Variants in LRRC53 observed in about 807,000 individuals in gnomAD.
LRRC53 encodes the protein leucine rich repeat containing 53.
Under a neutral mutation model 13.6 loss-of-function variants are expected in LRRC53, and 25 were observed. The observed-to-expected ratio is 1.83, with a 90% confidence interval of 1.34 to 2.56. The LOEUF (loss-of-function observed/expected upper bound fraction) is 2.56, where lower values mean the gene tolerates loss of function less well. LRRC53 is among the 30% of genes most tolerant of loss of function. The pLI, the probability that LRRC53 is intolerant of heterozygous loss-of-function variation, is 0.00. For synonymous variants in LRRC53, 204 were observed against 109.8 expected (o/e 1.86, Z -5.37); for missense variants, 527 against 275.8 (o/e 1.91, Z -6.45).
chr1:74,522,387 G>A, the LRRC53 span, among the ~76,000 whole-genome samples: 56 of 152,050 alleles, frequency 3.7e-4, no homozygotes, highest in Non-Finnish European at 5.4e-4. Flanking sequence ...CAGATTACCC[G>A]TTCCCTAGAC....
At chr1:74,486,471 A>C (rs925920039) in intron 1 of LRRC53, among the ~76,000 whole-genome samples, 5 of 149,930 alleles carry the variant, frequency 3.3e-5, no homozygotes, top group Non-Finnish European at 7.4e-5. Context: ...GTAGTCAAAC[A>C]TCATCACTTT....
chr1:74,534,054 C>A, the LRRC53 span, among the ~76,000 whole-genome samples: 1 of 152,136 alleles, frequency 6.6e-6, no homozygotes, highest in Non-Finnish European at 1.5e-5. Context: ...TTCCCAGACA[C>A]CCCACAGGGG....
intron 2 of LRRC53, among the ~76,000 whole-genome samples, chr1:74,481,804 G>A (rs1354711900): frequency 1.3e-5 from 2 of 152,128 alleles, no homozygotes; most frequent in Non-Finnish European, 2.9e-5. Flanking sequence ...TGCTAACATT[G>A]TTTTGACTGC....
chr1:74,505,890 T>C (rs965941483), intron 1 of LRRC53, among the ~76,000 whole-genome samples: 13 of 152,346 alleles, frequency 8.5e-5, no homozygotes, highest in African/African-American at 3.1e-4. Context: ...TGCAGATGTT[T>C]TAAAGGCCTC....
intron 2 of LRRC53, among the ~76,000 whole-genome samples, chr1:74,482,393 A>G (rs1170254999): frequency 6.6e-6 from 1 of 152,254 alleles, no homozygotes; most frequent in East Asian, 1.9e-4. Flanking sequence ...GTCTCTGATC[A>G]GGAAAAATAA....
chr1:74,497,211 G>A (rs1159906714), intron 1 of LRRC53, among the ~76,000 whole-genome samples: 1 of 152,046 alleles, frequency 6.6e-6, no homozygotes, highest in Non-Finnish European at 1.5e-5. Context: ...ATGTTCCTAG[G>A]AAGAATGAAG....
At position 74,473,913 on chromosome 1, in the gene LRRC53, C is replaced by A. The variant is rs192595591; in HGVS notation, c.1420+1382G>T. ...TCTCTACACTGGAAAGTCTATAATT[C>A]TTTTTCCAAGTCAGAAGGCATAATC... On this transcript the variant is annotated intron_variant, in intron 4 of 4. Transcript: ENST00000294635. 1.1e-4 allele frequency among the ~76,000 whole-genome samples: 16 copies of A among 152,150 alleles called. No homozygotes were observed. In the East Asian group the frequency reaches 2.9e-3, roughly 28 times the overall value.
At chr1:74,499,625 C>G (rs560332153) in intron 1 of LRRC53, among the ~76,000 whole-genome samples, 1 of 151,826 alleles carries the variant, frequency 6.6e-6, no homozygotes, top group Non-Finnish European at 1.5e-5. Flanking sequence ...GGAATATATC[C>G]CTGGTAGATA....
At chr1:74,476,637 T>A (rs1053941031) in intron 3 of LRRC53, among the ~76,000 whole-genome samples, 1 of 152,118 alleles carries the variant, frequency 6.6e-6, no homozygotes, top group Non-Finnish European at 1.5e-5. Flanking sequence ...TCATTGGTGA[T>A]CTAATCTTAT....
chr1:74,520,315 G>C, the LRRC53 span, among the ~76,000 whole-genome samples: 9 of 152,256 alleles, frequency 5.9e-5, no homozygotes, highest in Non-Finnish European at 1.5e-5. Flanking sequence ...TACACGTACA[G>C]AATTGAAGTG....
chr1:74,525,509 T>C, the LRRC53 span, among the ~76,000 whole-genome samples: 3 of 152,122 alleles, frequency 2.0e-5, no homozygotes, highest in African/African-American at 7.2e-5. Flanking sequence ...ATCTGAGAGA[T>C]GAGGCTGAAG....
In LRRC53 at chr1:74,472,209, A is replaced by G. The variant is rs1667970871; in HGVS notation, c.1421-8T>C. On this transcript the variant is annotated splice_region_variant and splice_polypyrimidine_tract_variant and intron_variant, in intron 4 of 4. Transcript: ENST00000294635. ...ATATGTCACTGCTGATATCTGTGGAACAATAAATGCAAGAATTTAGCACTT... is the reference window on the plus strand; with the variant it reads ...ATATGTCACTGCTGATATCTGTGGAGCAATAAATGCAAGAATTTAGCACTT... The G allele has an allele frequency of 2.8e-6, 2 of 716,360 alleles. No homozygotes were observed. Among genetic ancestry groups the G allele is most frequent in the East Asian group, 5.4e-5 (2 of 37,266 alleles). 44.4% of individuals were successfully genotyped at this position (716,360 alleles called of 1,614,324 possible).
chr1:74,488,396 T>G (rs45595635), intron 1 of LRRC53, among the ~76,000 whole-genome samples: 2,948 of 152,262 alleles, frequency 0.019, 97 homozygotes, highest in African/African-American at 0.067. Flanking sequence ...ATCTAAATTA[T>G]TTGGTTACTG....
the LRRC53 span, among the ~76,000 whole-genome samples, chr1:74,525,453 C>T: frequency 2.0e-5 from 3 of 152,132 alleles, no homozygotes; most frequent in Non-Finnish European, 4.4e-5. Flanking sequence ...CAGTCTGATT[C>T]ACACCCTGAG....
At chr1:74,522,370 A>T in the LRRC53 span, among the ~76,000 whole-genome samples, 2 of 152,156 alleles carry the variant, frequency 1.3e-5, no homozygotes, top group African/African-American at 2.4e-5. Context: ...GGGAACCTGC[A>T]GCAGCTCAGA....
intron 1 of LRRC53, among the ~76,000 whole-genome samples, chr1:74,511,195 AT>A (rs113121147): frequency 3.0e-4 from 43 of 144,288 alleles, no homozygotes; most frequent in Admixed American, 4.9e-4. Context: ...TGCCCGGCCT[AT>A]TTTTTTTTTT....
At chr1:74,518,482 A>G in the LRRC53 span, among the ~76,000 whole-genome samples, 66 of 152,194 alleles carry the variant, frequency 4.3e-4, no homozygotes, top group African/African-American at 1.5e-3. Context: ...TCTTACCTCA[A>G]GGATCTCTGA....
the LRRC53 span, among the ~76,000 whole-genome samples, chr1:74,521,804 A>G: frequency 3.3e-4 from 51 of 152,298 alleles, no homozygotes; most frequent in African/African-American, 9.6e-4. Flanking sequence ...GTTTCTTGCT[A>G]TTTCTACTGA....
At chr1:74,520,718 G>A in the LRRC53 span, among the ~76,000 whole-genome samples, 3 of 152,070 alleles carry the variant, frequency 2.0e-5, 1 homozygote, top group Admixed American at 1.3e-4. Flanking sequence ...GAGGCCTGGG[G>A]CATACTATGT....
Sources: gnomAD v4.1 joint callset for allele counts (sites outside exome capture counted in the v4.1 genomes callset) on GRCh38, gnomAD v4.1.1 for gene constraint, MANE v1.5 for transcripts, NCBI Gene and HGNC (gene_info 2026-07-23, HGNC 2026-07-21) for gene names.